The following PCDH11Y variants were observed in gnomAD, a reference collection of about 807,000 sequenced individuals.
PCDH11Y encodes protocadherin 11 Y-linked.
For synonymous variants in PCDH11Y, 9 were observed against 83.6 expected (o/e 0.11, Z 4.87); for missense variants, 12 against 224.8 (o/e 0.05, Z 6.05).
At chrY:5,547,508 G>A (rs2053414435) in intron 3 of PCDH11Y, among the ~76,000 whole-genome samples, 1 of 32,532 alleles carries the variant, frequency 3.1e-5, no homozygotes, top group Non-Finnish European at 7.6e-5. Context: ...CATAGCTTAA[G>A]AGAAGAAAAG....
chrY:5,436,950 G>A (rs2053275960), intron 2 of PCDH11Y, among the ~76,000 whole-genome samples: 1 of 32,404 alleles, frequency 3.1e-5, no homozygotes, highest in Non-Finnish European at 7.6e-5. Context: ...TGATGAAGGG[G>A]ATACTTAATA....
chrY:5,595,685 T>C (rs2053466805), intron 4 of PCDH11Y, among the ~76,000 whole-genome samples: 1 of 33,529 alleles, frequency 3.0e-5, no homozygotes, highest in Non-Finnish European at 7.4e-5. Context: ...TATCAAGTTA[T>C]CTTGTAATTG....
intron 2 of PCDH11Y, among the ~76,000 whole-genome samples, chrY:5,407,741 G>A (rs2053240675): frequency 3.3e-5 from 1 of 30,089 alleles, no homozygotes; most frequent in East Asian, 8.7e-4. Flanking sequence ...GTGAAACCCC[G>A]TCTCTACTAA....
chrY:5,723,129 G>T, intron 4 of PCDH11Y, among the ~76,000 whole-genome samples: 1 of 31,241 alleles, frequency 3.2e-5, no homozygotes, highest in Non-Finnish European at 7.7e-5. Flanking sequence ...TTAGCACAAA[G>T]ATAGGTAGAA....
intron 4 of PCDH11Y, among the ~76,000 whole-genome samples, chrY:5,593,356 G>T: frequency 1.2e-4 from 4 of 33,342 alleles, no homozygotes; most frequent in African/African-American, 2.3e-4. Context: ...TCAGCTCTGA[G>T]AGCTCAGTTA....
chrY:5,277,663 A>G, intron 2 of PCDH11Y, among the ~76,000 whole-genome samples: 3 of 33,783 alleles, frequency 8.9e-5, no homozygotes, highest in Non-Finnish European at 1.5e-4. Context: ...AATGTTAATT[A>G]TTAGTACTAT....
chrY:5,634,890 G>T, intron 4 of PCDH11Y, among the ~76,000 whole-genome samples: 1 of 31,027 alleles, frequency 3.2e-5, no homozygotes, highest in Admixed American at 3.0e-4. Flanking sequence ...TCAAAAAAGG[G>T]TCGTCTAATT....
At chrY:5,482,476 T>C in intron 2 of PCDH11Y, among the ~76,000 whole-genome samples, 1 of 33,827 alleles carries the variant, frequency 3.0e-5, no homozygotes. Context: ...TTTTGGTGAA[T>C]AGACATTTAT....
At chrY:5,651,541 T>G in intron 4 of PCDH11Y, among the ~76,000 whole-genome samples, 1 of 33,150 alleles carries the variant, frequency 3.0e-5, no homozygotes, top group African/African-American at 1.2e-4. Context: ...TTCCTTCATT[T>G]CTTAAAGAAA....
intron 1 of PCDH11Y, chrY:5,019,337 C>T: frequency 3.1e-5 from 1 of 32,422 alleles, no homozygotes; most frequent in Admixed American, 2.8e-4. Context: ...TTTGGTAGGC[C>T]GAGGCAGGTG....
chrY:5,369,823 G>A, intron 2 of PCDH11Y, among the ~76,000 whole-genome samples: 1 of 32,928 alleles, frequency 3.0e-5, no homozygotes, highest in African/African-American at 1.2e-4. Context: ...AAATGATATG[G>A]TGTCAGTAAA....
At chrY:5,592,161 C>A in intron 4 of PCDH11Y, among the ~76,000 whole-genome samples, 1 of 32,104 alleles carries the variant, frequency 3.1e-5, no homozygotes, top group Non-Finnish European at 7.6e-5. Flanking sequence ...GTCTAAGTCA[C>A]TTTGATGATC....
intron 2 of PCDH11Y, among the ~76,000 whole-genome samples, chrY:5,311,084 A>C (rs1602902664): frequency 0.01 from 328 of 32,623 alleles, no homozygotes; most frequent in Admixed American, 0.089. Context: ...TAAAAAAACT[A>C]TCTGTACCTC....
intron 4 of PCDH11Y, among the ~76,000 whole-genome samples, chrY:5,666,757 G>A: frequency 6.8e-5 from 2 of 29,621 alleles, no homozygotes; most frequent in African/African-American, 1.3e-4. Flanking sequence ...TCCATCCCTC[G>A]CTCTCCCTTC....
intron 3 of PCDH11Y, among the ~76,000 whole-genome samples, chrY:5,579,220 G>C: frequency 1.8e-4 from 6 of 32,791 alleles, no homozygotes; most frequent in African/African-American, 3.5e-4. Context: ...GCATGTTTTG[G>C]TATTGTTCTC....
rs1602905349 is a variant in PCDH11Y at position 5,328,376 on chromosome Y, G to A, written c.3130-172681G>A. ...TGGCAATGAATTGCAACTTTTTTCT[G>A]TTATTGCACACCTTGAAGGTGAGGT... On this transcript the variant is annotated intron_variant, in intron 2 of 4. Coordinates refer to the PCDH11Y transcript ENST00000400457. 1.5e-4 allele frequency among the ~76,000 whole-genome samples: 5 copies of A among 33,481 alleles called. No homozygotes were observed. The East Asian group carries it at 4.0e-3, about 27-fold the overall frequency. The allele number at this position is 33,481 out of a possible 37,273, so 89.8% of individuals were successfully genotyped here.
chrY:5,175,430 T>C, intron 2 of PCDH11Y, among the ~76,000 whole-genome samples: 1 of 27,449 alleles, frequency 3.6e-5, no homozygotes, highest in Non-Finnish European at 8.7e-5. Flanking sequence ...TTGTGCAGGT[T>C]AGTTACATAT....
At chrY:5,219,322 T>A (rs201489847) in intron 2 of PCDH11Y, among the ~76,000 whole-genome samples, 1 of 30,881 alleles carries the variant, frequency 3.2e-5, no homozygotes, top group East Asian at 8.4e-4. Flanking sequence ...CGAATTTACA[T>A]CCCCCCCCCA....
intron 4 of PCDH11Y, among the ~76,000 whole-genome samples, chrY:5,714,284 G>A (rs2053588769): frequency 3.0e-5 from 1 of 33,209 alleles, no homozygotes; most frequent in South Asian, 6.7e-4. Flanking sequence ...TAGGGGTCCT[G>A]CCATGTGGTA....
Sources: gnomAD v4.1 joint callset for allele counts (sites outside exome capture counted in the v4.1 genomes callset) on GRCh38, gnomAD v4.1.1 for gene constraint, MANE v1.5 for transcripts, NCBI Gene and HGNC (gene_info 2026-07-23, HGNC 2026-07-21) for gene names.